The following KCNC4 variants were observed in gnomAD, a reference collection of about 807,000 sequenced individuals.
The protein encoded by KCNC4 is potassium voltage-gated channel subfamily C member 4.
A neutral mutation model predicts 42.8 loss-of-function variants in KCNC4; 23 were observed. The observed-to-expected ratio is 0.54, with a 90% CI of 0.39 to 0.76. The LOEUF is 0.76. KCNC4 is among the 30% of genes least tolerant of loss of function. The pLI, the probability that KCNC4 is intolerant of heterozygous loss-of-function variation, is 0.00. For missense variants in KCNC4, 751 were observed against 898.2 expected, an observed-to-expected ratio of 0.84 and a Z score of 2.10; for synonymous variants, 422 against 393.5, an observed-to-expected ratio of 1.07 and a Z score of -0.86.
intron 1 of KCNC4, 42 bp downstream of exon 1, chr1:110,212,219 AG>A (rs1557850945): frequency 1.5e-5 from 21 of 1,417,280 alleles, no homozygotes; most frequent in Non-Finnish European, 1.8e-5. Context: ...TGGGTCTGCA[AG>A]GGGTCCGTGG....
At chr1:110,254,936 C>T (rs1243527697) in intron 1 of KCNC4, among the ~76,000 whole-genome samples, 3 of 152,254 alleles carry the variant, frequency 2.0e-5, no homozygotes, top group Admixed American at 2.0e-4. Context: ...CGTATTAGCT[C>T]ACCACCTACT....
chr1:110,222,127 GTTC>G, intron 1 of KCNC4: 1 of 152,304 alleles, frequency 6.6e-6, no homozygotes, highest in African/African-American at 2.4e-5. Context: ...AGTGAGACTG[GTTC>G]TTCTGACCAG....
At chr1:110,281,399 T>C (rs560134848) in intron 1 of KCNC4, among the ~76,000 whole-genome samples, 1 of 151,864 alleles carries the variant, frequency 6.6e-6, no homozygotes, top group African/African-American at 2.4e-5. Flanking sequence ...TACTACCTAT[T>C]TGGGGGCTCC....
At chr1:110,250,120 C>T (rs1264186733), downstream of KCNC4, among the ~76,000 whole-genome samples, 1 of 152,200 alleles carries the variant, frequency 6.6e-6, no homozygotes, top group African/African-American at 2.4e-5. Flanking sequence ...CACTGTCTTC[C>T]ATATGGTTCC....
intron 1 of KCNC4, among the ~76,000 whole-genome samples, chr1:110,213,124 A>G (rs182229288): frequency 1.5e-5 from 2 of 136,606 alleles, no homozygotes; most frequent in Admixed American, 1.6e-4. Flanking sequence ...CCTTTAGGTG[A>G]AAGGGGAGAA....
At chr1:110,282,384 T>A (rs767256266) in intron 1 of KCNC4, 1 of 152,230 alleles carries the variant, frequency 6.6e-6, no homozygotes, top group Admixed American at 6.5e-5. Flanking sequence ...TTCTTTCTCT[T>A]CCTATAGGGA....
chr1:110,255,881 C>T (rs1317343737), intron 1 of KCNC4, among the ~76,000 whole-genome samples: 1 of 152,210 alleles, frequency 6.6e-6, no homozygotes, highest in Non-Finnish European at 1.5e-5. Context: ...CTCACACTTG[C>T]TGTGGACTGC....
Position 110,233,071 on chromosome 1 carries a change from C to A in KCNC4, c.*99C>A. The stretch of plus-strand genomic sequence containing the variant: ...AAGAATCTTTTCGCTGGGAAAGACT[C>A]AGATATCCTTGTTTGCACAGGACTG... On this transcript the variant is annotated 3_prime_UTR_variant, in exon 4 of 4. Transcript: ENST00000438661. 7.0e-7 allele frequency: 1 copy of A among 1,437,678 alleles called. No homozygotes were observed. 89.1% of individuals were successfully genotyped at this position (1,437,678 alleles called of 1,614,324 possible).
chr1:110,244,421 G>T (rs1203055502), exon 4 of KCNC4: 3 of 152,058 alleles, frequency 2.0e-5, no homozygotes, highest in African/African-American at 7.3e-5. Flanking sequence ...GATGGATCAG[G>T]ACTAGCCTGA....
downstream of KCNC4, among the ~76,000 whole-genome samples, chr1:110,251,099 G>A (rs1016506488): frequency 3.3e-5 from 5 of 152,294 alleles, no homozygotes; most frequent in East Asian, 9.6e-4. Flanking sequence ...CTGCAGGGTA[G>A]AGTGGTCTAC....
intron 1 of KCNC4, among the ~76,000 whole-genome samples, chr1:110,255,191 G>A (rs980947996): frequency 1.3e-5 from 2 of 152,196 alleles, no homozygotes; most frequent in African/African-American, 4.8e-5. Flanking sequence ...ATAGATGGTT[G>A]GCAAATGAGC....
intron 1 of KCNC4, chr1:110,221,219 A>G (rs1352267085): frequency 2.0e-5 from 3 of 152,234 alleles, no homozygotes; most frequent in Non-Finnish European, 4.4e-5. Flanking sequence ...ACACTGTGGT[A>G]TGACGAAAAG....
exon 4 of KCNC4, chr1:110,240,314 A>C (rs1659003697): frequency 6.6e-6 from 1 of 152,186 alleles, no homozygotes; most frequent in African/African-American, 2.4e-5. Flanking sequence ...CCGGAGCAGG[A>C]GAGACTGCTC....
downstream of KCNC4, among the ~76,000 whole-genome samples, chr1:110,251,179 TAA>T (rs1236851977): frequency 6.6e-6 from 1 of 152,088 alleles, no homozygotes; most frequent in Non-Finnish European, 1.5e-5. Flanking sequence ...CGGCTTGGCT[TAA>T]AGAGTCCACT....
rs1658198404 is a variant in KCNC4 at position 110,223,176 on chromosome 1, G to C, written c.891G>C (p.Leu297=). Residue 297 remains leucine (L), a synonymous_variant, in exon 2 of 4, where the codon CTG becomes CTC. Transcript: ENST00000438661. This position sits in a 1 kb window ranked among gnomAD's most constrained non-coding sequence, Gnocchi z 7.5. ...TGCTGTGGTTCACACTGGAGTTCCT[G>C]GTGCGCATCGTGTGCTGCCCCGACA... The part of the protein sequence containing the change: ...VCVLWFTLEF[L]VRIVCCPDTL... 2.5e-6 allele frequency: 4 copies of C among 1,614,094 alleles called. No individual in the cohort carries two copies. In the Admixed American group the frequency reaches 5.0e-5, roughly 20 times the overall value.
chr1:110,216,336 G>A lies in KCNC4; in HGVS notation c.678+4159G>A, dbSNP rs548205879. On this transcript the variant is annotated intron_variant, in intron 1 of 3. Coordinates refer to ENST00000438661, the MANE Select transcript of KCNC4 (RefSeq NM_001039574.3). ...CTGGCTTTCTGAGCTCCCCAGGAGG[G>A]CAGTGCCAAGCCTGCCCGGGGCAGC... Among the ~76,000 whole-genome samples the A allele has an allele frequency of 8.0e-4, 122 of 152,342 alleles. 1 individual carries two copies. The highest frequency in any genetic ancestry group is 2.7e-3 in the African/African-American group (114 of 41,590).
chr1:110,260,789 G>C (rs1659410970), intron 1 of KCNC4, among the ~76,000 whole-genome samples: 1 of 152,170 alleles, frequency 6.6e-6, no homozygotes, highest in Non-Finnish European at 1.5e-5. Flanking sequence ...AATTAGCCGG[G>C]CACGGAGACG....
At chr1:110,246,674 T>C (rs12126524) in exon 4 of KCNC4, 46,352 of 151,998 alleles carry the variant, frequency 0.3, 7,872 homozygotes, top group Non-Finnish European at 0.38. Context: ...TGCTTTGGGT[T>C]ACACGCTTCC....
chr1:110,256,138 A>T (rs1223899327), intron 1 of KCNC4, among the ~76,000 whole-genome samples: 2 of 152,190 alleles, frequency 1.3e-5, no homozygotes, highest in Admixed American at 6.5e-5. Flanking sequence ...TCTTGCTATC[A>T]TCTGGGGAAG....
Sources: allele counts gnomAD v4.1 joint callset (sites outside exome capture counted in the v4.1 genomes callset), GRCh38; gene constraint gnomAD v4.1.1; non-coding constraint Gnocchi (gnomAD v3.1); transcripts MANE v1.5; gene names NCBI Gene and HGNC (gene_info 2026-07-23, HGNC 2026-07-21).